The following TACC2 variants were observed in gnomAD, a reference collection of about 807,000 sequenced individuals.
TACC2 encodes transforming acidic coiled-coil containing protein 2, also known as transforming acidic coiled-coil-containing protein 2.
In TACC2, 137 loss-of-function variants were observed where a neutral mutation model predicts 227.3. That is an observed-to-expected ratio of 0.60 (90% CI 0.52 to 0.69). The LOEUF is 0.69. TACC2 is among the 30% of genes least tolerant of loss of function. The pLI is 0.00. For missense variants in TACC2, 3,470 were observed against 3,694.4 expected (o/e 0.94, Z 1.57); for synonymous variants, 1,523 against 1,487.5 (o/e 1.02, Z -0.55).
intron 5 of TACC2, 167 bp downstream of exon 5, chr10:122,088,758 G>T: frequency 6.5e-7 from 1 of 1,531,722 alleles, no homozygotes; most frequent in South Asian, 1.2e-5. Context: ...TACCTGGGAT[G>T]ACTAAAAGCT....
chr10:122,163,028 C>T (rs1241105350), intron 7 of TACC2, among the ~76,000 whole-genome samples: 5 of 151,992 alleles, frequency 3.3e-5, no homozygotes, highest in Non-Finnish European at 5.9e-5. Context: ...CCTAGCTTGC[C>T]CCAGGCCCTC....
At chr10:122,062,774 A>G (rs74322140) in intron 3 of TACC2, among the ~76,000 whole-genome samples, 1,659 of 152,308 alleles carry the variant, frequency 0.011, 9 homozygotes, top group Non-Finnish European at 0.016. Flanking sequence ...GAAAAAATGA[A>G]CTAAATGGGC....
intron 3 of TACC2, among the ~76,000 whole-genome samples, chr10:122,064,839 T>A (rs189407852): frequency 1.3e-5 from 2 of 152,224 alleles, no homozygotes; most frequent in Non-Finnish European, 2.9e-5. Context: ...AGATACATAC[T>A]GTGAGTTGTC....
intron 7 of TACC2, among the ~76,000 whole-genome samples, chr10:122,155,757 G>C (rs943851703): frequency 6.6e-6 from 1 of 151,984 alleles, no homozygotes; most frequent in Non-Finnish European, 1.5e-5. Flanking sequence ...TTATCCGAAG[G>C]AAATTGTTAT....
chr10:122,099,347 A>G (rs1306077740), intron 5 of TACC2, among the ~76,000 whole-genome samples: 1 of 152,212 alleles, frequency 6.6e-6, no homozygotes, highest in Non-Finnish European at 1.5e-5. Context: ...CTGCCTTTCC[A>G]GGCCACCTAT....
chr10:122,021,833 C>T (rs1957379411), intron 1 of TACC2, 104 bp from the exon 2 acceptor site: 1 of 669,470 alleles, frequency 1.5e-6, no homozygotes, highest in East Asian at 2.8e-5. Flanking sequence ...TAGAGATAAA[C>T]ATTTCCCATC....
At chr10:121,997,353 G>A (rs572042698) in intron 1 of TACC2, among the ~76,000 whole-genome samples, 15 of 152,244 alleles carry the variant, frequency 9.9e-5, no homozygotes, top group African/African-American at 3.1e-4. Flanking sequence ...TAAGTCCAGC[G>A]TGCACAGACT....
intron 7 of TACC2, chr10:122,192,433 G>A (rs2094439987): frequency 3.1e-6 from 1 of 326,196 alleles, no homozygotes; most frequent in South Asian, 2.6e-5. Flanking sequence ...TTGTGCTTCA[G>A]AGCCTGCTGT....
At chr10:122,106,141 C>CCAT (rs890055058) in intron 5 of TACC2, among the ~76,000 whole-genome samples, 4 of 151,546 alleles carry the variant, frequency 2.6e-5, no homozygotes, top group African/African-American at 9.7e-5. Context: ...GCGTCCACCA[C>CCAT]CATGCCTGGC....
chr10:122,170,956 G>C (rs1592884665), intron 7 of TACC2, among the ~76,000 whole-genome samples: 1 of 152,124 alleles, frequency 6.6e-6, no homozygotes, highest in South Asian at 2.1e-4. Flanking sequence ...GTTGCTGGCT[G>C]GGTAGACCAG....
rs1313969799 is a variant in TACC2, at chr10:122,229,389, G to A, written c.7940G>A (p.Ser2647Asn). 6.2e-7 allele frequency: 1 copy of A among 1,613,776 alleles called. No homozygotes were observed. The highest frequency in any genetic ancestry group is 8.5e-7 in the Non-Finnish European group (1 of 1,180,014). ...TTTGCCTCTGCTGACGCCCTCCTCA[G>A]CAGGCTAGCTCACCCCGTCTCTCTC... ...GSFASADALL[S>N]RLAHPVSLCG... The change falls in exon 15 of 23, where the codon AGC becomes AAC. Residue 2647 changes from serine to asparagine, a missense_variant. Ser to Asn is a conservative substitution (Grantham distance 46). Around this residue, in one of 10 missense-constraint regions of TACC2, gnomAD observed 345 missense variants for 354.4 expected, o/e 0.97. Coordinates refer to ENST00000369005, the MANE Select transcript of TACC2 (RefSeq NM_206862.4).
rs750715446 is a variant in TACC2, at chr10:122,141,986, T to G, written c.5700-1586T>G. Among the ~76,000 whole-genome samples, 14 of 152,258 alleles carry G rather than the reference T, an allele frequency of 9.2e-5. No individual in the cohort carries two copies. Among genetic ancestry groups the G allele is most frequent in the Non-Finnish European group, 1.6e-4 (11 of 68,048 alleles). ...TAAATGCCTCTGGTAGTTTGCATTA[T>G]TCATTTTGAGTCATTCTTTTACAAA... On this transcript the variant is annotated intron_variant, in intron 6 of 22. Transcript: ENST00000369005. The surrounding 1 kb of genome is among the most constrained non-coding windows in gnomAD (Gnocchi z 4.3).
At chr10:122,065,766 C>T (rs948908191) in intron 3 of TACC2, among the ~76,000 whole-genome samples, 21 of 152,046 alleles carry the variant, frequency 1.4e-4, no homozygotes, top group African/African-American at 5.1e-4. Context: ...GCAGTTTTTG[C>T]TTCTTGTGTT....
chr10:122,113,723 T>A (rs780642039), intron 5 of TACC2, among the ~76,000 whole-genome samples: 1 of 152,370 alleles, frequency 6.6e-6, no homozygotes, highest in South Asian at 2.1e-4. Flanking sequence ...CATAAAACTC[T>A]GCGCTGGATT....
Position 122,084,699 on chromosome 10 carries a change from C to T in TACC2, c.2199C>T (p.Pro733=). Residue 733 remains proline (P), a synonymous_variant, in exon 4 of 23, where the codon CCC becomes CCT. Coordinates refer to ENST00000369005, the MANE Select transcript of TACC2 (RefSeq NM_206862.4). ...FPPTPVAEVA[P]KAQEGESTLE... is the part of the protein sequence containing the mutation. ...CAACTCCTGTTGCAGAGGTTGCACC[C>T]AAAGCCCAGGAAGGTGAGAGCACAT... 1 of 1,613,652 alleles carries T rather than the reference C, an allele frequency of 6.2e-7. No individual in the cohort carries two copies. Among genetic ancestry groups the T allele is most frequent in the Non-Finnish European group, 8.5e-7 (1 of 1,180,036 alleles).
chr10:122,054,524 C>G lies in TACC2; in HGVS notation c.146+3974C>G, dbSNP rs189388638. Reference sequence around the variant, plus strand: ...ATCCTTAAGACACAACTGATTTTATCTTACAACCTTTTGCCAGATAATGGA... The same window carrying G: ...ATCCTTAAGACACAACTGATTTTATGTTACAACCTTTTGCCAGATAATGGA... On this transcript the variant is annotated intron_variant, in intron 3 of 22. Coordinates refer to ENST00000369005, the MANE Select transcript of TACC2 (RefSeq NM_206862.4). Among the ~76,000 whole-genome samples, 40 of 152,338 alleles carry G rather than the reference C, an allele frequency of 2.6e-4. 2 individuals are homozygous for G. Among genetic ancestry groups the G allele is most frequent in the African/African-American group, 8.7e-4 (36 of 41,578 alleles).
intron 7 of TACC2, among the ~76,000 whole-genome samples, chr10:122,167,928 G>A (rs183856080): frequency 6.6e-6 from 1 of 151,532 alleles, no homozygotes; most frequent in East Asian, 1.9e-4. Context: ...ACTCTGTTGC[G>A]CAGGCTCATA....
At chr10:122,174,848 AACATCTC>A (rs1184929477) in intron 7 of TACC2, among the ~76,000 whole-genome samples, 10 of 152,306 alleles carry the variant, frequency 6.6e-5, no homozygotes, top group African/African-American at 2.2e-4. Flanking sequence ...GCCTTTGACC[AACATCTC>A]TCCCCCATGT....
At chr10:122,156,305 G>C (rs1453730271) in intron 7 of TACC2, among the ~76,000 whole-genome samples, 1 of 149,038 alleles carries the variant, frequency 6.7e-6, no homozygotes, top group African/African-American at 2.5e-5. Flanking sequence ...CTCACTGCAA[G>C]CTCCGCTTCC....
Sources: gnomAD v4.1 joint callset for allele counts (sites outside exome capture counted in the v4.1 genomes callset) on GRCh38, gnomAD v4.1.1 for gene constraint, gnomAD v4.1.1 regional missense constraint, Gnocchi (gnomAD v3.1) non-coding constraint, MANE v1.5 for transcripts, NCBI Gene and HGNC (gene_info 2026-07-23, HGNC 2026-07-21) for gene names.